CLPS: variants seen among roughly 807,000 people sequenced by gnomAD.
CLPS encodes the protein colipase, pancreatic.
In CLPS, 8 loss-of-function variants were observed where a neutral mutation model predicts 9.3. The observed-to-expected ratio is 0.86, with a 90% CI of 0.51 to 1.56. The LOEUF (loss-of-function observed/expected upper bound fraction) is 1.56, where lower values mean the gene tolerates loss of function less well. CLPS is among the 40% of genes most tolerant of loss of function. The pLI, the probability that CLPS is intolerant of heterozygous loss-of-function variation, is 0.00. For missense variants in CLPS, 144 were observed against 145.7 expected, an observed-to-expected ratio of 0.99 and a Z score of 0.06; for synonymous variants, 61 against 56.2, an observed-to-expected ratio of 1.09 and a Z score of -0.39.
chr6:35,796,472 C>A (rs568662900), intron 1 of CLPS, among the ~76,000 whole-genome samples: 1 of 152,400 alleles, frequency 6.6e-6, no homozygotes, highest in South Asian at 2.1e-4. Flanking sequence ...AGGTTGCTCA[C>A]CCTCTCTCTG....
rs1768340420 is a variant in CLPS at position 35,795,649 on chromosome 6, C to A, written c.207+82G>T. On this transcript the variant is annotated intron_variant, in intron 2 of 2. Coordinates refer to ENST00000259938, the MANE Select transcript of CLPS (RefSeq NM_001832.4). ...CTCAACATTCAGTGTCCAGGCTGAC[C>A]CCCCTCCCTGATCCCACTCACAAGT... 3 of 1,575,254 alleles carry A rather than the reference C, an allele frequency of 1.9e-6. No homozygotes were observed. In the South Asian group the frequency reaches 3.4e-5, roughly 18 times the overall value.
Position 35,794,983 on chromosome 6 carries a change from A to C in CLPS, c.*163T>G. 1 of 995,716 alleles carries C rather than the reference A, an allele frequency of 1.0e-6. No individual in the cohort carries two copies. The allele number at this position is 995,716 out of a possible 1,614,324, so 61.7% of individuals were successfully genotyped here. On this transcript the variant is annotated 3_prime_UTR_variant, in exon 3 of 3. Transcript: ENST00000259938. ...AGAAAGAATATGCAGGAGACTGGGA[A>C]AGGTTTGCAGGAGGCCTTTAATTGT...
chr6:35,795,371 T>C, intron 2 of CLPS, 94 bp from the exon 3 acceptor site: 1 of 1,529,810 alleles, frequency 6.5e-7, no homozygotes, highest in Non-Finnish European at 8.8e-7. Context: ...TAGGCCAGCC[T>C]GTGTTTTCGG....
At position 35,795,864 on chromosome 6, in the gene CLPS, C is replaced by G. The variant is rs753551923; in HGVS notation, c.85-11G>C. 1.1e-4 allele frequency: 170 copies of G among 1,611,424 alleles called. No homozygotes were observed. Among genetic ancestry groups the G allele is most frequent in the Non-Finnish European group, 1.4e-4 (165 of 1,179,908 alleles). ...GAGCTCACCGTTCTCCTGCCAGGAG[C>G]AGCCAGTCAGCCCAGGCCCCACTCC... On this transcript the variant is annotated splice_polypyrimidine_tract_variant and intron_variant, in intron 1 of 2. Transcript: ENST00000259938.
intron 2 of CLPS, 118 bp downstream of exon 2, chr6:35,795,613 C>A: frequency 6.7e-7 from 1 of 1,501,326 alleles, no homozygotes; most frequent in Non-Finnish European, 9.0e-7. Flanking sequence ...TGTCGACCTC[C>A]CTCTCGTCTC....
At chr6:35,797,158 T>G (rs1301340260) in intron 1 of CLPS, 47 bp downstream of exon 1, 6 of 1,544,866 alleles carry the variant, frequency 3.9e-6, no homozygotes, top group Non-Finnish European at 5.4e-6. Context: ...GCTTAGGAAG[T>G]CTTCATCTGG....
intron 1 of CLPS, 87 bp from the exon 2 acceptor site, chr6:35,795,940 C>T: frequency 6.4e-7 from 1 of 1,567,184 alleles, no homozygotes; most frequent in Non-Finnish European, 8.7e-7. Context: ...CTACCACTAA[C>T]AGTGTCTCCC....
chr6:35,797,071 G>T (rs1287839959), intron 1 of CLPS, 134 bp downstream of exon 1: 8 of 804,780 alleles, frequency 9.9e-6, no homozygotes, highest in Non-Finnish European at 1.6e-5. Context: ...GGACATGGAA[G>T]TAAACAGAGG....
intron 1 of CLPS, among the ~76,000 whole-genome samples, chr6:35,796,262 C>T (rs1421372244): frequency 1.3e-5 from 2 of 152,270 alleles, no homozygotes; most frequent in African/African-American, 2.4e-5. Context: ...CTCCTTCCTC[C>T]CCCAACAGAT....
chr6:35,796,661 T>C (rs1362390324), intron 1 of CLPS: 1 of 342,344 alleles, frequency 2.9e-6, no homozygotes, highest in Non-Finnish European at 5.7e-6. Flanking sequence ...TAGGGCCAGG[T>C]GAGGTGGCTC....
In CLPS at chr6:35,795,095, G is replaced by C; in HGVS notation, c.*51C>G. The C allele has an allele frequency of 1.3e-6, 2 of 1,598,930 alleles. No homozygotes were observed. Among genetic ancestry groups the C allele is most frequent in the Non-Finnish European group, 1.7e-6 (2 of 1,172,608 alleles). ...TGGAGCAGGGGAGAGATGCCCCTGCGCCTAGTGGCCTACAGCATTCTGGGC... is the reference window on the plus strand; with the variant it reads ...TGGAGCAGGGGAGAGATGCCCCTGCCCCTAGTGGCCTACAGCATTCTGGGC... On this transcript the variant is annotated 3_prime_UTR_variant, in exon 3 of 3. Transcript: ENST00000259938.
Position 35,795,276 on chromosome 6 carries a change from G to A in CLPS, c.209C>T (p.Thr70Met), listed in dbSNP as rs140627661. The change falls in exon 3 of 3, where the codon ACG becomes ATG. Residue 70 changes from threonine to methionine, a missense_variant and splice_region_variant. Transcript: ENST00000259938. Reference sequence around the variant, plus strand: ...ACACTTGTAGTAAATCCCATAGAGCGTCTGCAGAGACACAGCCAATGGAGT... The same window carrying A: ...ACACTTGTAGTAAATCCCATAGAGCATCTGCAGAGACACAGCCAATGGAGT... ...ASENSECSVK[T>M]LYGIYYKCPC... The A allele has an allele frequency of 2.0e-5, 33 of 1,613,772 alleles. No homozygotes were observed. The highest frequency in any genetic ancestry group is 1.9e-4 in the African/African-American group (14 of 75,060).
intron 1 of CLPS, chr6:35,796,779 C>CA (rs1240846468): frequency 6.6e-6 from 3 of 451,832 alleles, no homozygotes; most frequent in African/African-American, 4.0e-5. Context: ...ACTAAAAATA[C>CA]AAAAAATAGC....
intron 1 of CLPS, among the ~76,000 whole-genome samples, chr6:35,796,104 C>T (rs535195743): frequency 1.5e-3 from 223 of 152,326 alleles, no homozygotes; most frequent in Non-Finnish European, 2.6e-3. Flanking sequence ...CTACCAACCT[C>T]CTGTGTGACT....
At chr6:35,797,165 CT>C (rs776998766) in intron 1 of CLPS, 39 bp downstream of exon 1, 22 of 1,566,012 alleles carry the variant, frequency 1.4e-5, no homozygotes, top group Non-Finnish European at 1.8e-5. Flanking sequence ...AAGTCTTCAT[CT>C]GGGGACTCAG....
intron 2 of CLPS, 126 bp downstream of exon 2, chr6:35,795,605 T>C (rs1768338208): frequency 2.7e-6 from 4 of 1,466,230 alleles, no homozygotes; most frequent in Non-Finnish European, 3.7e-6. Flanking sequence ...TTGACACCTG[T>C]CGACCTCCCT....
intron 2 of CLPS, 76 bp from the exon 3 acceptor site, chr6:35,795,353 A>G: frequency 6.4e-7 from 1 of 1,561,980 alleles, no homozygotes; most frequent in South Asian, 1.2e-5. Context: ...CCTGACCTAG[A>G]GAACCAGTAG....
intron 1 of CLPS, 150 bp from the exon 2 acceptor site, chr6:35,796,003 G>GC (rs1219920944): frequency 3.1e-6 from 4 of 1,281,982 alleles, no homozygotes; most frequent in African/African-American, 1.5e-5. Context: ...TGGCCTCTGT[G>GC]CCCCCCACCC....
intron 1 of CLPS, among the ~76,000 whole-genome samples, 168 bp from the exon 2 acceptor site, chr6:35,796,021 A>T (rs1264525659): frequency 1.3e-5 from 2 of 152,372 alleles, no homozygotes; most frequent in African/African-American, 4.8e-5. Flanking sequence ...CCCACGTGAG[A>T]AGTGGGCATG....
Sources: allele counts gnomAD v4.1 joint callset (sites outside exome capture counted in the v4.1 genomes callset), GRCh38; gene constraint gnomAD v4.1.1; transcripts MANE v1.5; gene names NCBI Gene and HGNC (gene_info 2026-07-23, HGNC 2026-07-21).